KDM4C: variants seen among roughly 807,000 people sequenced by gnomAD.
The protein encoded by KDM4C is lysine demethylase 4C, also known as lysine-specific demethylase 4C.
In KDM4C, 81 loss-of-function variants were observed where a neutral mutation model predicts 129.3. The ratio of observed to expected loss-of-function variants is 0.63; its 90% CI spans 0.52 to 0.75. KDM4C has a LOEUF of 0.75. KDM4C is among the 30% of genes least tolerant of loss of function. KDM4C has a pLI of 0.00. For synonymous variants in KDM4C, 573 were observed against 456.1 expected (o/e 1.26, Z -3.26); for missense variants, 1,457 against 1,304.0 (o/e 1.12, Z -1.81).
At chr9:7,033,301 G>A (rs1331347379) in intron 15 of KDM4C, among the ~76,000 whole-genome samples, 1 of 152,196 alleles carries the variant, frequency 6.6e-6, no homozygotes, top group Non-Finnish European at 1.5e-5. Flanking sequence ...CATTGGGCGG[G>A]TAGCCAAGTG....
At chr9:6,946,996 C>G (rs1220371459) in intron 8 of KDM4C, among the ~76,000 whole-genome samples, 1 of 152,066 alleles carries the variant, frequency 6.6e-6, no homozygotes, top group African/African-American at 2.4e-5. Context: ...TGGTCTAAGT[C>G]ATAGTGAAGG....
intron 8 of KDM4C, among the ~76,000 whole-genome samples, chr9:6,945,437 A>AT (rs1826789490): frequency 6.6e-6 from 1 of 152,106 alleles, no homozygotes; most frequent in Admixed American, 6.5e-5. Context: ...GCATTGATGT[A>AT]TTTTTTGTTG....
Position 6,981,533 on chromosome 9 carries a change from C to G in KDM4C, c.1115+415C>G, listed in dbSNP as rs567105019. ...TTTGTCCAACATCTGAGCTACTGCT[C>G]TCTTCTGGATGCTTATATTTTACTA... On this transcript the variant is annotated intron_variant, in intron 9 of 21. Coordinates refer to ENST00000381309, the MANE Select transcript of KDM4C (RefSeq NM_015061.6). Among the ~76,000 whole-genome samples the G allele has an allele frequency of 9.1e-4, 139 of 152,282 alleles. 1 individual carries two copies. Among genetic ancestry groups the G allele is most frequent in the African/African-American group, 3.2e-3 (133 of 41,560 alleles).
rs1564049753 is a variant in KDM4C, at chr9:7,052,899, G to GAGAGAGAGAGAGAGAC, written c.2424+3701_2424+3702insAGAGAGAGAGAGACAG. 6.0e-4 allele frequency among the ~76,000 whole-genome samples: 6 copies of GAGAGAGAGAGAGAGAC among 10,012 alleles called. 2 individuals carry two copies. Among genetic ancestry groups the GAGAGAGAGAGAGAGAC allele is most frequent in the African/African-American group, 2.8e-3 (6 of 2,174 alleles). 6.6% of individuals were successfully genotyped at this position (10,012 alleles called of 152,430 possible). On this transcript the variant is annotated intron_variant, in intron 17 of 21. Transcript: ENST00000381309. ...AGAGAGAGAGAGAGAGAGAGAGAGA[G>GAGAGAGAGAGAGAGAC]AGCGAGCGAGTGCCCAAGGGATGAC...
intron 8 of KDM4C, among the ~76,000 whole-genome samples, chr9:6,963,660 T>G (rs1188472875): frequency 6.6e-6 from 1 of 152,260 alleles, no homozygotes; most frequent in African/African-American, 2.4e-5. Context: ...ACTGATGGTT[T>G]CATTGCTGTT....
At chr9:7,122,773 T>A (rs1284974234) in intron 18 of KDM4C, among the ~76,000 whole-genome samples, 1 of 131,124 alleles carries the variant, frequency 7.6e-6, no homozygotes, top group Non-Finnish European at 1.7e-5. Flanking sequence ...ACGTGTATAT[T>A]TTTTTAAGCC....
At chr9:6,994,547 C>T (rs760857872) in intron 12 of KDM4C, among the ~76,000 whole-genome samples, 36 of 152,196 alleles carry the variant, frequency 2.4e-4, no homozygotes, top group Non-Finnish European at 3.1e-4. Context: ...CTCTCTTTTG[C>T]TTCCCCTATC....
At chr9:7,135,996 C>G (rs1841164729) in intron 19 of KDM4C, among the ~76,000 whole-genome samples, 1 of 152,176 alleles carries the variant, frequency 6.6e-6, no homozygotes, top group South Asian at 2.1e-4. Flanking sequence ...AAGAAAAACA[C>G]CCAGTGGAGG....
intron 2 of KDM4C, among the ~76,000 whole-genome samples, chr9:6,793,581 C>G (rs1827170235): frequency 6.6e-6 from 1 of 150,664 alleles, no homozygotes; most frequent in Admixed American, 6.6e-5. Context: ...CTCTTGCCGC[C>G]CAGGCTGGAG....
intron 5 of KDM4C, among the ~76,000 whole-genome samples, chr9:6,877,431 A>T (rs1283263107): frequency 6.6e-6 from 1 of 151,804 alleles, no homozygotes; most frequent in Non-Finnish European, 1.5e-5. Flanking sequence ...CGGTCTCCTG[A>T]CCTCATGATC....
chr9:7,091,396 T>C (rs1347610695), intron 17 of KDM4C, among the ~76,000 whole-genome samples: 3 of 152,130 alleles, frequency 2.0e-5, no homozygotes, highest in African/African-American at 4.8e-5. Context: ...TCCACTACTA[T>C]AGAATTTTTT....
At chr9:6,906,208 T>A (rs1251848627) in intron 8 of KDM4C, among the ~76,000 whole-genome samples, 2 of 152,202 alleles carry the variant, frequency 1.3e-5, no homozygotes, top group South Asian at 2.1e-4. Flanking sequence ...CTTGTTTTTT[T>A]TCTCCGTTTG....
At chr9:6,810,029 C>CT (rs1391461274) in intron 3 of KDM4C, among the ~76,000 whole-genome samples, 1 of 150,780 alleles carries the variant, frequency 6.6e-6, no homozygotes, top group Admixed American at 6.6e-5. Context: ...CCATATATAA[C>CT]TTTAACTCTA....
intron 1 of KDM4C, among the ~76,000 whole-genome samples, chr9:6,764,761 G>T (rs1243279370): frequency 5.9e-5 from 9 of 152,186 alleles, no homozygotes; most frequent in Non-Finnish European, 1.2e-4. Context: ...ACAATGATGA[G>T]TCATCAAAGC....
At chr9:6,743,555 T>G (rs1279128519) in intron 1 of KDM4C, among the ~76,000 whole-genome samples, 2 of 151,848 alleles carry the variant, frequency 1.3e-5, no homozygotes, top group Non-Finnish European at 2.9e-5. Flanking sequence ...TCACCCAGGC[T>G]GGAGTGCAGT....
At chr9:6,969,672 C>T (rs540534983) in intron 8 of KDM4C, among the ~76,000 whole-genome samples, 1 of 152,284 alleles carries the variant, frequency 6.6e-6, no homozygotes, top group South Asian at 2.1e-4. Context: ...AATTGTTACG[C>T]TCTGGTTTCA....
At chr9:6,886,503 T>TC (rs983971031) in intron 6 of KDM4C, among the ~76,000 whole-genome samples, 7 of 149,932 alleles carry the variant, frequency 4.7e-5, no homozygotes, top group Non-Finnish European at 7.4e-5. Flanking sequence ...TTTTTCCTTT[T>TC]TTTTTTTTTG....
Position 6,903,965 on chromosome 9 carries a change from C to T in KDM4C, c.921+10733C>T, listed in dbSNP as rs144602548. 3.7e-4 allele frequency among the ~76,000 whole-genome samples: 56 copies of T among 152,192 alleles called. No homozygotes were observed. The East Asian group carries it at 7.1e-3, about 19-fold the overall frequency. The stretch of plus-strand genomic sequence containing the variant: ...TTCAATATATCTTTCATTAGCCGGG[C>T]GCGGTGGCTCACGTCTGTAATCCCA... On this transcript the variant is annotated intron_variant, in intron 8 of 21. Transcript: ENST00000381309.
chr9:7,143,688 T>C (rs1195956125), intron 19 of KDM4C, among the ~76,000 whole-genome samples: 2 of 152,244 alleles, frequency 1.3e-5, no homozygotes, highest in Non-Finnish European at 2.9e-5. Flanking sequence ...AATATTTTGA[T>C]TTGACAGGTT....
Sources: allele counts gnomAD v4.1 joint callset (sites outside exome capture counted in the v4.1 genomes callset), GRCh38; gene constraint gnomAD v4.1.1; transcripts MANE v1.5; gene names NCBI Gene and HGNC (gene_info 2026-07-23, HGNC 2026-07-21).